The following GCN1 variants were observed in gnomAD, a reference collection of about 807,000 sequenced individuals.
GCN1 encodes stalled ribosome sensor GCN1.
A neutral mutation model predicts 288.4 loss-of-function variants in GCN1; 90 were observed. The ratio of observed to expected loss-of-function variants is 0.31; its 90% CI spans 0.26 to 0.37. The LOEUF (loss-of-function observed/expected upper bound fraction) is 0.37. Among genes scored for constraint, GCN1 ranks in the 10% least tolerant of loss-of-function variants. The probability of loss-of-function intolerance (pLI) is 1.00; values close to 1 mark genes in which losing one functional copy is unlikely to be tolerated. For synonymous variants in GCN1, 1,386 were observed against 1,420.2 expected (o/e 0.98, Z 0.54); for missense variants, 2,586 against 3,419.9 (o/e 0.76, Z 6.08).
In GCN1 at chr12:120,137,340, G is replaced by A. The variant is rs776928013; in HGVS notation, c.6664-21C>T. Reference sequence around the variant, plus strand: ...AGCTTCTGCAGGAATCCAGGAAAAAGCGAGAGGATGTACAGCCCTCTCAAG... The same window carrying A: ...AGCTTCTGCAGGAATCCAGGAAAAAACGAGAGGATGTACAGCCCTCTCAAG... On this transcript the variant is annotated intron_variant, in intron 49 of 57. Coordinates refer to ENST00000300648, the MANE Select transcript of GCN1 (RefSeq NM_006836.2). This position sits in a 1 kb window ranked among gnomAD's most constrained non-coding sequence, Gnocchi z 5.2. 28 of 1,589,366 alleles carry A rather than the reference G, an allele frequency of 1.8e-5. No individual in the cohort carries two copies. The highest frequency in any genetic ancestry group is 2.2e-5 in the Non-Finnish European group (25 of 1,157,970).
intron 20 of GCN1, 142 bp downstream of exon 20, chr12:120,162,705 A>G (rs929880285): frequency 2.2e-6 from 2 of 923,858 alleles, no homozygotes; most frequent in Non-Finnish European, 3.3e-6. Flanking sequence ...AAACCAGTTT[A>G]CATTTCTGTC....
chr12:120,128,520 G>A (rs935748807), intron 57 of GCN1, among the ~76,000 whole-genome samples: 2 of 151,898 alleles, frequency 1.3e-5, no homozygotes, highest in Non-Finnish European at 1.5e-5. Context: ...ATTTTTAGTA[G>A]AGACGGGGTT....
At chr12:120,145,159 T>A (rs1228836236) in intron 39 of GCN1, 98 bp from the exon 40 acceptor site, 4 of 1,566,590 alleles carry the variant, frequency 2.6e-6, no homozygotes, top group Non-Finnish European at 3.5e-6. Flanking sequence ...CCTCTTTCTC[T>A]TTACCCAACA....
Position 120,157,845 on chromosome 12 carries a change from C to G in GCN1, c.3087+4G>C, listed in dbSNP as rs1016987038. 6.2e-7 allele frequency: 1 copy of G among 1,612,232 alleles called. No homozygotes were observed. The highest frequency in any genetic ancestry group is 1.1e-5 in the South Asian group (1 of 91,034). ...CAAGAGGAGAGCAGAGCTTCCCTGC[C>G]AACCTCGTCCACCCGCCCGGGTGGG... is the stretch of plus-strand genomic sequence containing the variant. On this transcript the variant is annotated splice_donor_region_variant and intron_variant, in intron 26 of 57. Coordinates refer to ENST00000300648, the MANE Select transcript of GCN1 (RefSeq NM_006836.2).
rs773084153 is a variant in GCN1 at position 120,144,733 on chromosome 12, C to T, written c.5258G>A (p.Arg1753Gln). The T allele has an allele frequency of 1.2e-6, 2 of 1,613,662 alleles. No individual in the cohort carries two copies. Among genetic ancestry groups the T allele is most frequent in the African/African-American group, 1.3e-5 (1 of 74,904 alleles). Residue 1753 changes from arginine (R) to glutamine (Q), a missense_variant, in exon 41 of 58, where the codon CGA (arginine) becomes CAA (glutamine). By Grantham distance (43) the Arg-to-Gln change is conservative. This residue lies in a region of GCN1 where 371 missense variants were observed against 572.6 expected (regional missense o/e 0.65). Transcript: ENST00000300648. This position sits in a 1 kb window ranked among gnomAD's most constrained non-coding sequence, Gnocchi z 4.7. ...ASKVDIAPHVRDGYIMMFNYL... is the reference protein window; with the variant it reads ...ASKVDIAPHVQDGYIMMFNYL... The stretch of plus-strand genomic sequence containing the variant: ...GTTAAACATCATAATGTAGCCATCT[C>T]GGACATGGGGTGCAATGTCCACTTT...
In GCN1 at chr12:120,127,878, C is replaced by T; in HGVS notation, c.7987G>A (p.Glu2663Lys). 6.2e-7 allele frequency: 1 copy of T among 1,613,900 alleles called. No homozygotes were observed. The highest frequency in any genetic ancestry group is 1.1e-5 in the South Asian group (1 of 91,074). The change falls in exon 58 of 58, where the codon GAG becomes AAG. Residue 2663 changes from glutamate (E) to lysine (K), a missense_variant. Coordinates refer to ENST00000300648, the MANE Select transcript of GCN1 (RefSeq NM_006836.2). ...KKLASQADST[E>K]QVDDTILT ...GTCAGGATGGTGTCGTCCACCTGCTCCGTGGAGTCGGCCTGGCTGGCCAGC... is the reference window on the plus strand; with the variant it reads ...GTCAGGATGGTGTCGTCCACCTGCTTCGTGGAGTCGGCCTGGCTGGCCAGC...
In GCN1 at chr12:120,161,971, G is replaced by A; in HGVS notation, c.2251C>T (p.Gln751Ter). ...QLISTITASV[Q>*]NPALRLVTRE... The stretch of plus-strand genomic sequence containing the variant: ...GTCACCAGGCGCAGTGCAGGGTTCT[G>A]CACGGAGGCAGTGATGGTGCTGATG... The change falls in exon 21 of 58, where the codon CAG becomes TAG. Residue 751 changes from glutamine (Q) to a stop codon, truncating the protein, a stop_gained. Transcript: ENST00000300648. LOFTEE classifies it high-confidence loss of function. The A allele has an allele frequency of 6.2e-7, 1 of 1,614,036 alleles. No homozygotes were observed. Among genetic ancestry groups the A allele is most frequent in the Non-Finnish European group, 8.5e-7 (1 of 1,179,998 alleles).
chr12:120,137,539 C>T lies in GCN1; in HGVS notation c.6663+6G>A. 6.8e-6 allele frequency: 11 copies of T among 1,612,854 alleles called. No homozygotes were observed. Among genetic ancestry groups the T allele is most frequent in the Non-Finnish European group, 9.3e-6 (11 of 1,178,914 alleles). ...AAGTTGGCTGTGGGGTCAGCAGTCCCCTCACCTTAGTGATGGCATTTAGGG... is the reference window on the plus strand; with the variant it reads ...AAGTTGGCTGTGGGGTCAGCAGTCCTCTCACCTTAGTGATGGCATTTAGGG... On this transcript the variant is annotated splice_donor_region_variant and intron_variant, in intron 49 of 57. Transcript: ENST00000300648. This position sits in a 1 kb window ranked among gnomAD's most constrained non-coding sequence, Gnocchi z 5.2.
Position 120,162,862 on chromosome 12 carries a change from CTG to C in GCN1, c.2146_2147del (p.Gln716GlufsTer59). ...LDQIIPRMTT[Q>X]SPLNQSSMNA... ...TGCCCGTCACCTGGTTTAGGGGACTCTGTGTGGTCATCCTGGGAATGATCTGA... is the reference window on the plus strand; with the variant it reads ...TGCCCGTCACCTGGTTTAGGGGACTCTGTGGTCATCCTGGGAATGATCTGA... On this transcript the variant is annotated frameshift_variant, in exon 20 of 58. Transcript: ENST00000300648. LOFTEE classifies it high-confidence loss of function. 1.2e-6 allele frequency: 2 copies of C among 1,614,024 alleles called. No individual in the cohort carries two copies. The highest frequency in any genetic ancestry group is 1.7e-6 in the Non-Finnish European group (2 of 1,179,984).
intron 15 of GCN1, 136 bp from the exon 16 acceptor site, chr12:120,168,436 T>C (rs1878203604): frequency 7.6e-6 from 5 of 655,154 alleles, no homozygotes; most frequent in Admixed American, 2.4e-5. Context: ...GCTCTTCCAT[T>C]TGGGGAACTG....
rs536538657 is a variant in GCN1 at position 120,194,649 on chromosome 12, G to C, written c.18+31C>G. 4.0e-6 allele frequency: 6 copies of C among 1,512,744 alleles called. No individual in the cohort carries two copies. In the South Asian group the frequency reaches 7.3e-5, roughly 18 times the overall value. The allele number at this position is 1,512,744 out of a possible 1,614,324, so 93.7% of individuals were successfully genotyped here. ...GGCCACCGTCCGCACCCAGTCCCTGGCCGCGTTGGCCCCGCAGCCGCCCGC... is the reference window on the plus strand; with the variant it reads ...GGCCACCGTCCGCACCCAGTCCCTGCCCGCGTTGGCCCCGCAGCCGCCCGC... On this transcript the variant is annotated intron_variant, in intron 1 of 57. Transcript: ENST00000300648.
chr12:120,137,660 T>C lies in GCN1; in HGVS notation c.6548A>G (p.Lys2183Arg). The change falls in exon 49 of 58, where the codon AAG (lysine) becomes AGG (arginine). Residue 2183 changes from lysine to arginine, a missense_variant. Coordinates refer to ENST00000300648, the MANE Select transcript of GCN1 (RefSeq NM_006836.2). The surrounding 1 kb of genome is among the most constrained non-coding windows in gnomAD (Gnocchi z 5.2). ...CCGCAGGTGGCTGGTGTAGTCAGCC[T>C]TTGAGCGGGAACAGTAGATGTTGAG... ...IILNIYCSRS[K>R]ADYTSHLRSL... The C allele has an allele frequency of 2.5e-6, 4 of 1,614,112 alleles. No homozygotes were observed. The highest frequency in any genetic ancestry group is 3.4e-6 in the Non-Finnish European group (4 of 1,180,010).
Position 120,158,930 on chromosome 12 carries a change from T to C in GCN1, c.2750-315A>G, listed in dbSNP as rs533268234. Among the ~76,000 whole-genome samples the C allele has an allele frequency of 6.7e-6, 1 of 150,250 alleles. No individual in the cohort carries two copies. Among genetic ancestry groups the C allele is most frequent in the Non-Finnish European group, 1.5e-5 (1 of 67,786 alleles). On this transcript the variant is annotated intron_variant, in intron 24 of 57. Transcript: ENST00000300648. This position sits in a 1 kb window ranked among gnomAD's most constrained non-coding sequence, Gnocchi z 4.3. ...AGGAGGCTCAAGAAGGAGAATGGCA[T>C]GAACCCGGGAAGCGGAGCTGGCAGT...
Position 120,178,679 on chromosome 12 carries a change from C to CA in GCN1, c.605dup (p.Leu203AlafsTer43). 6.2e-7 allele frequency: 1 copy of CA among 1,614,200 alleles called. No individual in the cohort carries two copies. Among genetic ancestry groups the CA allele is most frequent in the Non-Finnish European group, 8.5e-7 (1 of 1,179,996 alleles). On this transcript the variant is annotated frameshift_variant, in exon 7 of 58. Coordinates refer to ENST00000300648, the MANE Select transcript of GCN1 (RefSeq NM_006836.2). LOFTEE classifies it high-confidence loss of function. ...TGTGACTCGTGCAGAACTGCACCAG[C>CA]AGCCCCAGCATGCCAGCATAGTTCT...
rs1388586516 is a variant in GCN1, at chr12:120,137,048, T to G, written c.6777+158A>C. On this transcript the variant is annotated intron_variant, in intron 50 of 57. Transcript: ENST00000300648. The surrounding 1 kb of genome is among the most constrained non-coding windows in gnomAD (Gnocchi z 5.2). ...AGCATGAACCCTGTCCCCATCTGAC[T>G]GCCATGGAAGAAAACATGCTGTCTG... 6.6e-6 allele frequency among the ~76,000 whole-genome samples: 1 copy of G among 152,210 alleles called. No individual in the cohort carries two copies. The highest frequency in any genetic ancestry group is 1.5e-5 in the Non-Finnish European group (1 of 68,034).
At chr12:120,167,447 A>G (rs1007897325) in intron 16 of GCN1, among the ~76,000 whole-genome samples, 1 of 152,078 alleles carries the variant, frequency 6.6e-6, no homozygotes, top group African/African-American at 2.4e-5. Flanking sequence ...CGGCAGGCAC[A>G]CTACCATTTG....
Position 120,173,655 on chromosome 12 carries a change from C to G in GCN1, c.1364G>C (p.Arg455Pro), listed in dbSNP as rs909142137. The change falls in exon 14 of 58, where the codon CGG becomes CCG. Residue 455 changes from arginine to proline, a missense_variant and splice_region_variant. Transcript: ENST00000300648. ...ACTAGCCCTGGGAGTTGTCTTACCC[C>G]GGTAAGAGGCCAACATGCACTGCAG... Reference protein sequence around the residue: ...AYLQCMLASYRGDTLLQALDL... With the variant: ...AYLQCMLASYPGDTLLQALDL... The G allele has an allele frequency of 1.1e-5, 17 of 1,589,938 alleles. No individual in the cohort carries two copies. The highest frequency in any genetic ancestry group is 1.5e-5 in the Non-Finnish European group (17 of 1,158,242).
In GCN1 at chr12:120,164,350, G is replaced by A; in HGVS notation, c.1834C>T (p.Leu612Phe). 6.2e-7 allele frequency: 1 copy of A among 1,613,944 alleles called. No individual in the cohort carries two copies. Among genetic ancestry groups the A allele is most frequent in the Non-Finnish European group, 8.5e-7 (1 of 1,179,828 alleles). ...GATGCCCTCACCTTGTGAGAACTGAGGACAGTCTTCAGCTCCTCCAAGAGT... is the reference window on the plus strand; with the variant it reads ...GATGCCCTCACCTTGTGAGAACTGAAGACAGTCTTCAGCTCCTCCAAGAGT... Reference protein sequence around the residue: ...HGLLEELKTVLSSHKVLPLEA... With the variant: ...HGLLEELKTVFSSHKVLPLEA... Residue 612 changes from leucine (L) to phenylalanine (F), a missense_variant, in exon 18 of 58, where the codon CTC becomes TTC. Leu to Phe is a conservative substitution (Grantham distance 22, BLOSUM62 0). Coordinates refer to ENST00000300648, the MANE Select transcript of GCN1 (RefSeq NM_006836.2).
chr12:120,168,150 G>T, intron 16 of GCN1, 58 bp downstream of exon 16: 1 of 1,067,338 alleles, frequency 9.4e-7, no homozygotes, highest in East Asian at 2.4e-5. Flanking sequence ...CCTCTCTGAA[G>T]ATTTTCCAAA....
Sources: allele counts gnomAD v4.1 joint callset (sites outside exome capture counted in the v4.1 genomes callset), GRCh38; gene constraint gnomAD v4.1.1; regional missense constraint gnomAD v4.1.1; non-coding constraint Gnocchi (gnomAD v3.1); transcripts MANE v1.5; gene names NCBI Gene and HGNC (gene_info 2026-07-23, HGNC 2026-07-21).